The following ROR2 variants were observed in gnomAD, a reference collection of about 807,000 sequenced individuals.
ROR2 encodes ROR family WNT receptor 2, also known as tyrosine-protein kinase transmembrane receptor ROR2.
Under a neutral mutation model 74.9 loss-of-function variants are expected in ROR2, and 33 were observed. That is an observed-to-expected ratio of 0.44 (90% confidence interval 0.33 to 0.59). The LOEUF (loss-of-function observed/expected upper bound fraction) is 0.59. Ranked by LOEUF, ROR2 falls within the 20% of genes least tolerant of loss-of-function variation. The probability of loss-of-function intolerance (pLI) is 0.02; values close to 1 mark genes in which losing one functional copy is unlikely to be tolerated. For missense variants in ROR2, 1,216 were observed against 1,313.8 expected, an observed-to-expected ratio of 0.93 and a Z score of 1.15; for synonymous variants, 586 against 558.7, an observed-to-expected ratio of 1.05 and a Z score of -0.69.
At chr9:91,840,332 C>A (rs1003930301) in intron 1 of ROR2, among the ~76,000 whole-genome samples, 1 of 152,218 alleles carries the variant, frequency 6.6e-6, no homozygotes, top group African/African-American at 2.4e-5. Flanking sequence ...ACCTGTAGTT[C>A]TGCAGTGCAC....
intron 1 of ROR2, among the ~76,000 whole-genome samples, chr9:91,788,869 A>G (rs1055925587): frequency 2.0e-5 from 3 of 152,092 alleles, no homozygotes; most frequent in African/African-American, 4.8e-5. Flanking sequence ...TCAAAAAAAA[A>G]AAAAAAAAAA....
At chr9:91,783,271 G>A (rs551497497) in intron 1 of ROR2, among the ~76,000 whole-genome samples, 6 of 152,304 alleles carry the variant, frequency 3.9e-5, no homozygotes, top group African/African-American at 1.4e-4. Context: ...GGACTCCTGT[G>A]TTTCTATTTT....
chr9:91,851,702 C>T (rs1014096234), intron 1 of ROR2, among the ~76,000 whole-genome samples: 3 of 152,080 alleles, frequency 2.0e-5, no homozygotes, highest in African/African-American at 7.2e-5. Context: ...TCTGGCCGGG[C>T]ATGGTGGTTC....
chr9:91,861,654 A>G (rs1759220504), intron 1 of ROR2, among the ~76,000 whole-genome samples: 1 of 152,250 alleles, frequency 6.6e-6, no homozygotes, highest in African/African-American at 2.4e-5. Flanking sequence ...AAAACTGTTA[A>G]AAGAATACAG....
At chr9:91,830,588 T>A (rs1661301307) in intron 1 of ROR2, among the ~76,000 whole-genome samples, 1 of 152,188 alleles carries the variant, frequency 6.6e-6, no homozygotes, top group African/African-American at 2.4e-5. Flanking sequence ...AGCAGGAAAG[T>A]AGACTGGAGC....
At chr9:91,918,277 A>AAG (rs1831187125) in intron 1 of ROR2, among the ~76,000 whole-genome samples, 1 of 151,580 alleles carries the variant, frequency 6.6e-6, no homozygotes, top group African/African-American at 2.4e-5. Context: ...AAAAAAAAAA[A>AAG]AAGAAGTTGT....
chr9:91,879,037 A>G (rs1351887220), intron 1 of ROR2, among the ~76,000 whole-genome samples: 1 of 152,058 alleles, frequency 6.6e-6, no homozygotes, highest in Non-Finnish European at 1.5e-5. Flanking sequence ...GCGAGACTCC[A>G]TCTCAAAAAA....
At chr9:91,793,619 G>A (rs557308378) in intron 1 of ROR2, among the ~76,000 whole-genome samples, 5 of 152,016 alleles carry the variant, frequency 3.3e-5, no homozygotes, top group African/African-American at 9.6e-5. Context: ...AAAATTAGCC[G>A]GGCATGGTGG....
intron 2 of ROR2, among the ~76,000 whole-genome samples, chr9:91,771,281 A>C (rs1826219421): frequency 6.6e-6 from 1 of 152,226 alleles, no homozygotes; most frequent in Non-Finnish European, 1.5e-5. Context: ...GGGCGAGCCC[A>C]CATCACCCCG....
chr9:91,772,374 T>C (rs73513203), intron 2 of ROR2, among the ~76,000 whole-genome samples: 9,705 of 152,238 alleles, frequency 0.064, 550 homozygotes, highest in Admixed American at 0.16. Flanking sequence ...GAGCAAGCCC[T>C]TTCATCCCGC....
intron 1 of ROR2, among the ~76,000 whole-genome samples, chr9:91,819,755 G>C (rs557809526): frequency 4.0e-5 from 6 of 151,530 alleles, no homozygotes; most frequent in Admixed American, 3.9e-4. Flanking sequence ...TCAATATTCT[G>C]TGTGTGTGTC....
intron 1 of ROR2, among the ~76,000 whole-genome samples, chr9:91,929,583 C>G (rs1831498196): frequency 2.0e-5 from 3 of 152,124 alleles, no homozygotes; most frequent in African/African-American, 7.2e-5. Context: ...GCCTCTGGTC[C>G]CCACGGGCAT....
At chr9:91,753,115 A>G (rs1027458825) in intron 4 of ROR2, among the ~76,000 whole-genome samples, 3 of 152,246 alleles carry the variant, frequency 2.0e-5, no homozygotes, top group Non-Finnish European at 4.4e-5. Flanking sequence ...TGTAATTCCA[A>G]TCAAACTACC....
intron 4 of ROR2, among the ~76,000 whole-genome samples, chr9:91,747,065 G>A (rs1018796126): frequency 4.6e-5 from 7 of 152,082 alleles, no homozygotes; most frequent in Admixed American, 1.3e-4. Flanking sequence ...AATGTGCCAC[G>A]TTTCAGCAGA....
chr9:91,763,981 A>G (rs1825989241), intron 2 of ROR2, among the ~76,000 whole-genome samples: 1 of 152,208 alleles, frequency 6.6e-6, no homozygotes, highest in African/African-American at 2.4e-5. Flanking sequence ...CAGAGTTTTA[A>G]GTGCCCATTT....
intron 4 of ROR2, among the ~76,000 whole-genome samples, chr9:91,755,169 A>G (rs928701687): frequency 6.6e-6 from 1 of 152,080 alleles, no homozygotes; most frequent in Non-Finnish European, 1.5e-5. Context: ...GGGGGAAAAA[A>G]ATCTGCCCTC....
chr9:91,899,185 G>A (rs1830610368), intron 1 of ROR2, among the ~76,000 whole-genome samples: 1 of 152,190 alleles, frequency 6.6e-6, no homozygotes, highest in Non-Finnish European at 1.5e-5. Context: ...GGGTGCGGGG[G>A]ATGGCAGAGC....
rs964171655 is a variant in ROR2, at chr9:91,733,088, C to A, written c.937+34G>T. On this transcript the variant is annotated intron_variant, in intron 6 of 8. Coordinates refer to ENST00000375708, the MANE Select transcript of ROR2 (RefSeq NM_004560.4). The surrounding 1 kb of genome is among the most constrained non-coding windows in gnomAD (Gnocchi z 5.7). ...TTCAAGGGCCCTACACTCCCTGCGCCCCCCGGTCCCGCCCCGGGCCCTCGG... is the reference window on the plus strand; with the variant it reads ...TTCAAGGGCCCTACACTCCCTGCGCACCCCGGTCCCGCCCCGGGCCCTCGG... The A allele has an allele frequency of 1.3e-6, 2 of 1,550,818 alleles. No individual in the cohort carries two copies. Among genetic ancestry groups the A allele is most frequent in the East Asian group, 2.4e-5 (1 of 42,136 alleles).
intron 1 of ROR2, among the ~76,000 whole-genome samples, chr9:91,777,300 A>G (rs1254126848): frequency 1.3e-5 from 2 of 152,126 alleles, no homozygotes; most frequent in African/African-American, 4.8e-5. Flanking sequence ...GCAGAACCCA[A>G]TAGGGTTTCT....
Sources: allele counts gnomAD v4.1 joint callset (sites outside exome capture counted in the v4.1 genomes callset), GRCh38; gene constraint gnomAD v4.1.1; non-coding constraint Gnocchi (gnomAD v3.1); transcripts MANE v1.5; gene names NCBI Gene and HGNC (gene_info 2026-07-23, HGNC 2026-07-21).